CLIP4: variants seen among roughly 807,000 people sequenced by gnomAD.
CLIP4 encodes the protein CAP-Gly domain containing linker protein family member 4, also known as CAP-Gly domain-containing linker protein 4.
Under a neutral mutation model 73.1 loss-of-function variants are expected in CLIP4, and 47 were observed. That is an observed-to-expected ratio of 0.64 (90% CI 0.51 to 0.82). CLIP4 has a LOEUF of 0.82. CLIP4 is among the 40% of genes least tolerant of loss of function. The pLI is 0.00. For missense variants in CLIP4, 874 were observed against 852.9 expected, an observed-to-expected ratio of 1.02 and a Z score of -0.31; for synonymous variants, 306 against 295.4, an observed-to-expected ratio of 1.04 and a Z score of -0.37.
At chr2:29,138,051 T>A (rs749992664) in intron 6 of CLIP4, among the ~76,000 whole-genome samples, 2 of 152,220 alleles carry the variant, frequency 1.3e-5, no homozygotes, top group Non-Finnish European at 2.9e-5. Flanking sequence ...TGCCTTCGCT[T>A]TTGAGGACTT....
intron 15 of CLIP4, among the ~76,000 whole-genome samples, chr2:29,176,950 A>T (rs1445325123): frequency 6.6e-6 from 1 of 152,046 alleles, no homozygotes; most frequent in African/African-American, 2.4e-5. Flanking sequence ...CTGTCCCTTA[A>T]AGCTTTCGAA....
At chr2:29,171,953 T>C (rs966589184) in intron 14 of CLIP4, among the ~76,000 whole-genome samples, 3 of 152,058 alleles carry the variant, frequency 2.0e-5, no homozygotes, top group Non-Finnish European at 2.9e-5. Context: ...CACTTTTTTG[T>C]ACTTAATAAG....
Position 29,173,066 on chromosome 2 carries a change from C to T in CLIP4, c.1724-1307C>T, listed in dbSNP as rs960566096. On this transcript the variant is annotated intron_variant, in intron 14 of 15. Coordinates refer to ENST00000320081, the MANE Select transcript of CLIP4 (RefSeq NM_024692.6). ...TCTGTTGAGACTAACTTATGGTTTG[C>T]CTTCTTTCCTTGTGAGATGCTTGTT... Among the ~76,000 whole-genome samples, 4 of 152,050 alleles carry T rather than the reference C, an allele frequency of 2.6e-5. No homozygotes were observed. In the East Asian group the frequency reaches 7.7e-4, roughly 29 times the overall value.
intron 1 of CLIP4, among the ~76,000 whole-genome samples, chr2:29,120,899 A>G (rs1329219009): frequency 6.6e-6 from 1 of 152,210 alleles, no homozygotes; most frequent in Non-Finnish European, 1.5e-5. Context: ...ATTAATTTTC[A>G]GTAAAGTTTT....
chr2:29,130,842 AAT>A, intron 2 of CLIP4: 17 of 1,289,544 alleles, frequency 1.3e-5, no homozygotes, highest in Non-Finnish European at 1.6e-5. Flanking sequence ...AAAAAACCTC[AAT>A]GAGTCCCACT....
At chr2:29,147,057 T>C (rs1666219447) in intron 8 of CLIP4, among the ~76,000 whole-genome samples, 1 of 152,226 alleles carries the variant, frequency 6.6e-6, no homozygotes, top group Admixed American at 6.5e-5. Context: ...GTAAAAATTC[T>C]GCATTTTTAT....
At position 29,182,665 on chromosome 2, in the gene CLIP4, G is replaced by A. The variant is rs1230271335; in HGVS notation, c.*772G>A. 6.6e-6 allele frequency: 1 copy of A among 152,456 alleles called. No individual in the cohort carries two copies. The highest frequency in any genetic ancestry group is 1.5e-5 in the Non-Finnish European group (1 of 68,016). The allele number at this position is 152,456 out of a possible 1,614,324, so 9.4% of individuals were successfully genotyped here. On this transcript the variant is annotated 3_prime_UTR_variant, in exon 16 of 16. Transcript: ENST00000320081. ...CTTCTGCTGCTTGACTGCTTCATCTGGATGAACTACAAAAAACCCATGATT... is the reference window on the plus strand; with the variant it reads ...CTTCTGCTGCTTGACTGCTTCATCTAGATGAACTACAAAAAACCCATGATT...
chr2:29,101,401 C>T (rs1214692389), intron 1 of CLIP4, among the ~76,000 whole-genome samples: 3 of 151,526 alleles, frequency 2.0e-5, no homozygotes, highest in Non-Finnish European at 4.4e-5. Context: ...TGCTGTAAGT[C>T]CAACAATCCA....
chr2:29,132,554 G>C (rs1364506973), intron 4 of CLIP4: 1 of 294,888 alleles, frequency 3.4e-6, no homozygotes, highest in Non-Finnish European at 6.2e-6. Context: ...GACAGTCCAA[G>C]GTCAGTCTTT....
intron 6 of CLIP4, among the ~76,000 whole-genome samples, chr2:29,139,364 G>A (rs1665601218): frequency 6.6e-6 from 1 of 151,976 alleles, no homozygotes; most frequent in South Asian, 2.1e-4. Context: ...TATCTTTTTG[G>A]TATGCTGCTG....
At chr2:29,108,710 C>T (rs76712926) in intron 1 of CLIP4, among the ~76,000 whole-genome samples, 1,532 of 152,312 alleles carry the variant, frequency 0.01, 28 homozygotes, top group African/African-American at 0.034. Context: ...AGACCTCAAA[C>T]ATTTTTCATA....
chr2:29,169,269 C>T (rs1225735571), intron 14 of CLIP4, among the ~76,000 whole-genome samples: 1 of 151,504 alleles, frequency 6.6e-6, no homozygotes, highest in Non-Finnish European at 1.5e-5. Flanking sequence ...TATTCTAAGG[C>T]CTTTCTCTAT....
intron 2 of CLIP4, among the ~76,000 whole-genome samples, chr2:29,128,001 C>T (rs192091539): frequency 6.6e-6 from 1 of 152,036 alleles, no homozygotes. Flanking sequence ...TTCTAAAACA[C>T]TTACATTAAT....
At chr2:29,133,916 T>G (rs1665163968) in intron 5 of CLIP4, 100 bp downstream of exon 5, 5 of 983,570 alleles carry the variant, frequency 5.1e-6, no homozygotes, top group Non-Finnish European at 7.3e-6. Flanking sequence ...TAATCCATCT[T>G]GTTTCATATG....
At chr2:29,105,512 C>T (rs1310556917) in intron 1 of CLIP4, among the ~76,000 whole-genome samples, 1 of 152,196 alleles carries the variant, frequency 6.6e-6, no homozygotes, top group African/African-American at 2.4e-5. Context: ...CTGGGTTTTC[C>T]CTGTCTCCAG....
In CLIP4 at chr2:29,160,458, T is replaced by C. The variant is rs1667214144; in HGVS notation, c.1525T>C (p.Phe509Leu). The C allele has an allele frequency of 6.2e-7, 1 of 1,613,974 alleles. No individual in the cohort carries two copies. Among genetic ancestry groups the C allele is most frequent in the South Asian group, 1.1e-5 (1 of 91,054 alleles). ...CATTAGGTTCTTTGGGACAACAAAC[T>C]TCGCTCCAGGTAACTCATCTGCATA... ...GTIRFFGTTNFAPGYWYGIEL... is the reference protein window; with the variant it reads ...GTIRFFGTTNLAPGYWYGIEL... The change falls in exon 12 of 16, where the codon TTC (phenylalanine) becomes CTC (leucine). Residue 509 changes from phenylalanine (F) to leucine (L), a missense_variant. Coordinates refer to ENST00000320081, the MANE Select transcript of CLIP4 (RefSeq NM_024692.6).
chr2:29,174,655 A>C (rs925279581), intron 15 of CLIP4: 1 of 1,294,486 alleles, frequency 7.7e-7, no homozygotes, highest in Non-Finnish European at 9.8e-7. Context: ...AAACTAGTGC[A>C]CTGCATATAT....
intron 8 of CLIP4, among the ~76,000 whole-genome samples, chr2:29,146,734 TTTAC>T (rs1666197548): frequency 6.6e-6 from 1 of 152,196 alleles, no homozygotes; most frequent in African/African-American, 2.4e-5. Flanking sequence ...ATTCGATTTC[TTTAC>T]TTACCAGCTA....
Position 29,143,723 on chromosome 2 carries a change from G to A in CLIP4, c.663G>A (p.Gln221=), listed in dbSNP as rs774112857. The change falls in exon 7 of 16, where the codon CAG becomes CAA. Residue 221 remains glutamine (Q), a synonymous_variant. Transcript: ENST00000320081. The stretch of plus-strand genomic sequence containing the variant: ...TTTATTTGTAGAATGACAAAGGACA[G>A]ATCCCTGCTGATGTTGTTCCAGACC... ...ANPAFRNDKG[Q]IPADVVPDPV... 7.5e-6 allele frequency: 12 copies of A among 1,610,714 alleles called. No homozygotes were observed. The South Asian group carries it at 9.9e-5, about 13-fold the overall frequency.
Sources: allele counts gnomAD v4.1 joint callset (sites outside exome capture counted in the v4.1 genomes callset), GRCh38; gene constraint gnomAD v4.1.1; transcripts MANE v1.5; gene names NCBI Gene and HGNC (gene_info 2026-07-23, HGNC 2026-07-21).